The following SEZ6L variants were observed in gnomAD, a reference collection of about 807,000 sequenced individuals.
SEZ6L encodes the protein seizure related 6 homolog like.
In SEZ6L, 37 loss-of-function variants were observed where a neutral mutation model predicts 106.2. The observed-to-expected ratio is 0.35, with a 90% CI of 0.27 to 0.46. The LOEUF (loss-of-function observed/expected upper bound fraction) is 0.46. SEZ6L is among the 20% of genes least tolerant of loss of function. The pLI is 1.00. For missense variants in SEZ6L, 1,172 were observed against 1,332.8 expected, an observed-to-expected ratio of 0.88 and a Z score of 1.88; for synonymous variants, 541 against 570.4, an observed-to-expected ratio of 0.95 and a Z score of 0.73.
At chr22:26,298,799 G>A (rs1346573337) in intron 4 of SEZ6L, among the ~76,000 whole-genome samples, 185 bp from the exon 5 acceptor site, 1 of 152,146 alleles carries the variant, frequency 6.6e-6, no homozygotes, top group Non-Finnish European at 1.5e-5. Context: ...CCAAGAAAGT[G>A]CTAACCTGGC....
intron 12 of SEZ6L, among the ~76,000 whole-genome samples, chr22:26,353,471 T>C (rs979496191): frequency 4.6e-5 from 7 of 152,208 alleles, no homozygotes; most frequent in African/African-American, 1.4e-4. Context: ...ACACTATATA[T>C]ATGTGAATCT....
chr22:26,211,443 T>G (rs969456926), intron 1 of SEZ6L, among the ~76,000 whole-genome samples: 4 of 152,136 alleles, frequency 2.6e-5, no homozygotes, highest in Admixed American at 2.6e-4. Flanking sequence ...ATATAAGTTC[T>G]AAAGGAAGGT....
At chr22:26,314,113 A>G (rs1403677805) in intron 9 of SEZ6L, among the ~76,000 whole-genome samples, 1 of 145,824 alleles carries the variant, frequency 6.9e-6, no homozygotes, top group Non-Finnish European at 1.5e-5. Context: ...GAGAGAGAGG[A>G]GAGAGAGAGA....
At chr22:26,289,973 A>G (rs1422089869) in intron 1 of SEZ6L, among the ~76,000 whole-genome samples, 1 of 152,198 alleles carries the variant, frequency 6.6e-6, no homozygotes, top group African/African-American at 2.4e-5. Flanking sequence ...CAATGACAAG[A>G]GTAAAAACCA....
chr22:26,255,730 G>A (rs1392792361), intron 1 of SEZ6L, among the ~76,000 whole-genome samples: 4 of 152,266 alleles, frequency 2.6e-5, no homozygotes, highest in Non-Finnish European at 5.9e-5. Flanking sequence ...AGAGGCAGGA[G>A]AGGGTAACGC....
chr22:26,210,354 A>C (rs180984929), intron 1 of SEZ6L, among the ~76,000 whole-genome samples: 227 of 152,348 alleles, frequency 1.5e-3, no homozygotes, highest in Non-Finnish European at 1.4e-3. Flanking sequence ...GAGAGGAGGG[A>C]AGGCTCACAT....
intron 5 of SEZ6L, among the ~76,000 whole-genome samples, chr22:26,304,589 A>G (rs148557203): frequency 6.6e-5 from 10 of 152,270 alleles, no homozygotes; most frequent in Non-Finnish European, 1.2e-4. Flanking sequence ...TCACTTTTTA[A>G]TATTTTTCAT....
chr22:26,298,218 A>G (rs2081355729), intron 4 of SEZ6L, among the ~76,000 whole-genome samples: 1 of 152,212 alleles, frequency 6.6e-6, no homozygotes, highest in South Asian at 2.1e-4. Flanking sequence ...TGAATCATGA[A>G]CTTGAATGTA....
intron 12 of SEZ6L, among the ~76,000 whole-genome samples, chr22:26,351,909 A>C (rs899231532): frequency 1.3e-5 from 2 of 151,972 alleles, no homozygotes; most frequent in Non-Finnish European, 2.9e-5. Flanking sequence ...CTGTAATCCC[A>C]GCACTGTGGG....
At chr22:26,293,780 G>A (rs1569449353) in intron 2 of SEZ6L, among the ~76,000 whole-genome samples, 5 of 152,198 alleles carry the variant, frequency 3.3e-5, no homozygotes, top group Admixed American at 1.3e-4. Context: ...CCTTTTCAAA[G>A]CACATTTGCT....
chr22:26,336,557 A>G (rs1404659933), intron 9 of SEZ6L, among the ~76,000 whole-genome samples: 1 of 152,162 alleles, frequency 6.6e-6, no homozygotes, highest in Non-Finnish European at 1.5e-5. Context: ...AATCCACTGC[A>G]CCTATTGTCT....
At chr22:26,306,571 G>T (rs1009162383) in intron 6 of SEZ6L, among the ~76,000 whole-genome samples, 1 of 152,142 alleles carries the variant, frequency 6.6e-6, no homozygotes, top group Non-Finnish European at 1.5e-5. Context: ...AAAACTAGAC[G>T]TATGCACATG....
intron 1 of SEZ6L, among the ~76,000 whole-genome samples, chr22:26,183,588 A>G (rs752819026): frequency 3.3e-5 from 5 of 152,226 alleles, no homozygotes; most frequent in Non-Finnish European, 7.3e-5. Flanking sequence ...GTGTCACTTT[A>G]AGAGAACCTC....
At chr22:26,232,523 A>G (rs1453649202) in intron 1 of SEZ6L, among the ~76,000 whole-genome samples, 3 of 152,184 alleles carry the variant, frequency 2.0e-5, no homozygotes, top group Non-Finnish European at 4.4e-5. Context: ...GACAGCCCAC[A>G]TATACAATGG....
intron 1 of SEZ6L, among the ~76,000 whole-genome samples, chr22:26,189,267 C>T (rs1430691923): frequency 1.3e-5 from 2 of 152,326 alleles, no homozygotes; most frequent in South Asian, 2.1e-4. Context: ...CTCAGAGAGG[C>T]GAAGTCCTTG....
intron 1 of SEZ6L, among the ~76,000 whole-genome samples, chr22:26,211,804 T>TAAAAAAAAAAAAAAAA: frequency 2.1e-5 from 1 of 48,082 alleles, no homozygotes; most frequent in South Asian, 1.1e-3. Context: ...ACCTCGTCTC[T>TAAAAAAAAAAAAAAAA]AAAAAAAAAA....
At chr22:26,374,796 A>G (rs549552149) in intron 14 of SEZ6L, among the ~76,000 whole-genome samples, 70 of 152,344 alleles carry the variant, frequency 4.6e-4, no homozygotes, top group African/African-American at 1.6e-3. Flanking sequence ...ATGCTGGGAA[A>G]GCAGCCCTCT....
At chr22:26,356,459 T>G (rs1280747683) in intron 12 of SEZ6L, among the ~76,000 whole-genome samples, 2 of 151,654 alleles carry the variant, frequency 1.3e-5, no homozygotes, top group African/African-American at 4.8e-5. Context: ...CTGGCCAACA[T>G]AGTGAAACCC....
chr22:26,325,200 A>C (rs891644779), intron 9 of SEZ6L, among the ~76,000 whole-genome samples: 3 of 152,242 alleles, frequency 2.0e-5, no homozygotes, highest in African/African-American at 7.2e-5. Flanking sequence ...CACGTCTGCC[A>C]TATCCTATGG....
Sources: gnomAD v4.1 joint callset for allele counts (sites outside exome capture counted in the v4.1 genomes callset) on GRCh38, gnomAD v4.1.1 for gene constraint, MANE v1.5 for transcripts, NCBI Gene and HGNC (gene_info 2026-07-23, HGNC 2026-07-21) for gene names.